ARHGAP15: variants seen among roughly 807,000 people sequenced by gnomAD.
ARHGAP15 encodes the protein rho GTPase-activating protein 15.
Under a neutral mutation model 63.7 loss-of-function variants are expected in ARHGAP15, and 51 were observed. The ratio of observed to expected loss-of-function variants is 0.80; its 90% CI spans 0.64 to 1.01. The LOEUF is 1.01. ARHGAP15 is among the 50% of genes least tolerant of loss of function. The pLI is 0.00. For synonymous variants in ARHGAP15, 191 were observed against 193.8 expected (o/e 0.99, Z 0.12); for missense variants, 560 against 564.6 (o/e 0.99, Z 0.08).
Position 143,551,397 on chromosome 2 carries a change from C to T in ARHGAP15, c.926-5011C>T, listed in dbSNP as rs531503665. On this transcript the variant is annotated intron_variant, in intron 10 of 13. Transcript: ENST00000295095. Reference sequence around the variant, plus strand: ...CTTGGATTCCTGGGCTCAAGTGATTCTCCTGCCTTGGCCTCCCAAAGTGCT... The same window carrying T: ...CTTGGATTCCTGGGCTCAAGTGATTTTCCTGCCTTGGCCTCCCAAAGTGCT... Among the ~76,000 whole-genome samples, 8 of 152,236 alleles carry T rather than the reference C, an allele frequency of 5.3e-5. No homozygotes were observed. The South Asian group carries it at 1.7e-3, about 32-fold the overall frequency.
chr2:143,157,949 A>G (rs1427253903), intron 2 of ARHGAP15, among the ~76,000 whole-genome samples: 1 of 151,862 alleles, frequency 6.6e-6, no homozygotes. Flanking sequence ...GGTTTGTTGT[A>G]ACAGAGGCAC....
intron 6 of ARHGAP15, among the ~76,000 whole-genome samples, chr2:143,351,816 G>A (rs1044442360): frequency 6.6e-6 from 1 of 152,106 alleles, no homozygotes; most frequent in African/African-American, 2.4e-5. Flanking sequence ...CTGTGATATG[G>A]CATGGAATTA....
chr2:143,439,133 A>T (rs1225501410), intron 8 of ARHGAP15, among the ~76,000 whole-genome samples: 1 of 152,084 alleles, frequency 6.6e-6, no homozygotes. Flanking sequence ...CTACTTAAAA[A>T]CAAGGGAGGC....
intron 8 of ARHGAP15, among the ~76,000 whole-genome samples, chr2:143,476,375 T>C (rs1691815657): frequency 6.6e-6 from 1 of 152,230 alleles, no homozygotes; most frequent in Non-Finnish European, 1.5e-5. Context: ...AAGAACTGTG[T>C]CCCCTTGGGA....
At chr2:143,323,668 G>T (rs368710292) in intron 6 of ARHGAP15, among the ~76,000 whole-genome samples, 1 of 151,858 alleles carries the variant, frequency 6.6e-6, no homozygotes. Context: ...AGGCTGAGGC[G>T]GGTGGATCAT....
At chr2:143,668,336 T>C (rs1259312501) in intron 12 of ARHGAP15, among the ~76,000 whole-genome samples, 2 of 152,150 alleles carry the variant, frequency 1.3e-5, no homozygotes, top group African/African-American at 4.8e-5. Flanking sequence ...AGAGCAAAGT[T>C]AGGCGGCAGC....
At position 143,637,996 on chromosome 2, in the gene ARHGAP15, AAAC is replaced by A. The variant is rs1294781471; in HGVS notation, c.1138+13734_1138+13736del. On this transcript the variant is annotated intron_variant, in intron 12 of 13. Coordinates refer to ENST00000295095, the MANE Select transcript of ARHGAP15 (RefSeq NM_018460.4). The stretch of plus-strand genomic sequence containing the variant: ...GAATGGCAATCATTAAAAAGTCAGG[AAAC>A]AACAGGTGCTGGAGAGGATGTGGAG... Among the ~76,000 whole-genome samples the A allele has an allele frequency of 7.9e-5, 12 of 151,046 alleles. No individual in the cohort carries two copies. In the East Asian group the frequency reaches 2.2e-3, roughly 27 times the overall value.
chr2:143,477,822 A>G (rs1255469896), intron 8 of ARHGAP15, among the ~76,000 whole-genome samples: 1 of 152,226 alleles, frequency 6.6e-6, no homozygotes, highest in African/African-American at 2.4e-5. Flanking sequence ...GAACTCTTAC[A>G]CTCAGTTCCT....
At chr2:143,429,160 G>A (rs915070561) in intron 6 of ARHGAP15, among the ~76,000 whole-genome samples, 1 of 150,922 alleles carries the variant, frequency 6.6e-6, no homozygotes, top group African/African-American at 2.4e-5. Context: ...CATGAATATT[G>A]AGAAGACTGT....
chr2:143,654,112 A>G (rs909291737), intron 12 of ARHGAP15, among the ~76,000 whole-genome samples: 1 of 152,182 alleles, frequency 6.6e-6, no homozygotes, highest in African/African-American at 2.4e-5. Context: ...AAATTTTAGA[A>G]TGGGTTGGCC....
chr2:143,395,502 A>AAC (rs1687718732), intron 6 of ARHGAP15, among the ~76,000 whole-genome samples: 1 of 152,192 alleles, frequency 6.6e-6, no homozygotes, highest in Non-Finnish European at 1.5e-5. Context: ...GTACAATGGG[A>AAC]ACACACACAT....
chr2:143,670,131 G>GA (rs1682441977), intron 12 of ARHGAP15, among the ~76,000 whole-genome samples: 1 of 152,110 alleles, frequency 6.6e-6, no homozygotes, highest in Non-Finnish European at 1.5e-5. Context: ...AAAACTCTAA[G>GA]AATCAGACCC....
At chr2:143,211,037 C>T (rs763643525) in intron 3 of ARHGAP15, among the ~76,000 whole-genome samples, 1 of 152,064 alleles carries the variant, frequency 6.6e-6, no homozygotes, top group Non-Finnish European at 1.5e-5. Context: ...TGTTTAAAAA[C>T]TATTAGTACT....
chr2:143,654,692 C>T (rs1225601207), intron 12 of ARHGAP15, among the ~76,000 whole-genome samples: 3 of 152,190 alleles, frequency 2.0e-5, no homozygotes, highest in Admixed American at 6.5e-5. Flanking sequence ...CCGTTTTGAA[C>T]TGTCAGTCTG....
At position 143,256,669 on chromosome 2, in the gene ARHGAP15, T is replaced by A. The variant is rs544984576; in HGVS notation, c.474+6069T>A. ...ATCAGTACAATACTGTTTTTCTGAT[T>A]GAAGGGAAAGAGATATGATTATTTG... is the stretch of plus-strand genomic sequence containing the variant. On this transcript the variant is annotated intron_variant, in intron 6 of 13. Transcript: ENST00000295095. Among the ~76,000 whole-genome samples, 180 of 152,226 alleles carry A rather than the reference T, an allele frequency of 1.2e-3. 3 individuals are homozygous for A. Among genetic ancestry groups the A allele is most frequent in the South Asian group, 2.3e-3 (11 of 4,826 alleles).
intron 8 of ARHGAP15, among the ~76,000 whole-genome samples, chr2:143,450,784 G>A (rs889786950): frequency 6.6e-6 from 1 of 151,918 alleles, no homozygotes; most frequent in African/African-American, 2.4e-5. Context: ...AACAGTTGGT[G>A]ACAATTTAAG....
In ARHGAP15 at chr2:143,691,806, GA is replaced by G. The variant is rs1467643970; in HGVS notation, c.1139-11609del. ...TTTTCTTTGTGATAACCATTTTTAA[GA>G]AAAGGACAACTCCCATTGCAGATTG... On this transcript the variant is annotated intron_variant, in intron 12 of 13. Coordinates refer to ENST00000295095, the MANE Select transcript of ARHGAP15 (RefSeq NM_018460.4). Among the ~76,000 whole-genome samples, 4 of 152,158 alleles carry G rather than the reference GA, an allele frequency of 2.6e-5. No individual in the cohort carries two copies. In the East Asian group the frequency reaches 7.7e-4, roughly 29 times the overall value.
chr2:143,359,811 C>G (rs1685962532), intron 6 of ARHGAP15, among the ~76,000 whole-genome samples: 1 of 152,084 alleles, frequency 6.6e-6, no homozygotes, highest in African/African-American at 2.4e-5. Flanking sequence ...GAACCCTTGA[C>G]TACAATTATA....
intron 6 of ARHGAP15, among the ~76,000 whole-genome samples, chr2:143,348,935 CT>C (rs1329664043): frequency 6.6e-6 from 1 of 152,070 alleles, no homozygotes; most frequent in African/African-American, 2.4e-5. Context: ...TATGAATCGC[CT>C]CCTGATTATG....
Sources: gnomAD v4.1 joint callset for allele counts (sites outside exome capture counted in the v4.1 genomes callset) on GRCh38, gnomAD v4.1.1 for gene constraint, MANE v1.5 for transcripts, NCBI Gene and HGNC (gene_info 2026-07-23, HGNC 2026-07-21) for gene names.